ABCB7: variants seen among roughly 807,000 people sequenced by gnomAD.
ABCB7 encodes the protein iron-sulfur clusters transporter ABCB7, mitochondrial.
A neutral mutation model predicts 54.4 loss-of-function variants in ABCB7; 7 were observed. That is an observed-to-expected ratio of 0.13 (90% confidence interval 0.07 to 0.24). The LOEUF (loss-of-function observed/expected upper bound fraction) is 0.24. Among genes scored for constraint, ABCB7 ranks in the 10% least tolerant of loss-of-function variants. ABCB7 has a pLI of 1.00. For missense variants in ABCB7, 356 were observed against 570.4 expected, an observed-to-expected ratio of 0.62 and a Z score of 3.83; for synonymous variants, 218 against 207.1, an observed-to-expected ratio of 1.05 and a Z score of -0.45.
intron 4 of ABCB7, among the ~76,000 whole-genome samples, chrX:75,080,789 A>G (rs907462744): frequency 8.9e-6 from 1 of 111,757 alleles, no homozygotes; most frequent in Admixed American, 9.5e-5. Flanking sequence ...CTTTGGTGAA[A>G]TATCTGTTCA....
At chrX:75,104,047 G>GTTTTTTTGT (rs2081663659) in intron 3 of ABCB7, among the ~76,000 whole-genome samples, 3 of 13,446 alleles carry the variant, frequency 2.2e-4, no homozygotes, top group African/African-American at 4.8e-4. Flanking sequence ...TCTTGTTACA[G>GTTTTTTTGT]TTTTTTTTTT....
At chrX:75,145,509 G>T (rs1029753517) in intron 1 of ABCB7, among the ~76,000 whole-genome samples, 6 of 111,478 alleles carry the variant, frequency 5.4e-5, no homozygotes, top group Admixed American at 9.5e-5. Context: ...TACAGAAAAG[G>T]CTTTCAATAA....
At chrX:75,121,480 AGTT>A (rs2081878621) in intron 1 of ABCB7, among the ~76,000 whole-genome samples, 1 of 111,481 alleles carries the variant, frequency 9.0e-6, no homozygotes, top group Non-Finnish European at 1.9e-5. Flanking sequence ...TAGTCTCAAC[AGTT>A]GTTTTAGAGT....
At chrX:75,119,397 G>C (rs776337612) in intron 1 of ABCB7, among the ~76,000 whole-genome samples, 2 of 111,948 alleles carry the variant, frequency 1.8e-5, no homozygotes, top group East Asian at 5.6e-4. Context: ...AGTTAAAGGG[G>C]GTATTATTCG....
chrX:75,084,618 AAAT>A (rs1363694311), intron 4 of ABCB7, among the ~76,000 whole-genome samples: 5 of 112,018 alleles, frequency 4.5e-5, no homozygotes, highest in Admixed American at 2.8e-4. Context: ...TAAAGGAAAA[AAAT>A]AATAAACTGA....
At position 75,099,580 on chromosome X, in the gene ABCB7, T is replaced by C. The variant is rs1233482090; in HGVS notation, c.334-519A>G. Among the ~76,000 whole-genome samples the C allele has an allele frequency of 2.7e-5, 3 of 111,162 alleles. No individual in the cohort carries two copies. In the Admixed American group the frequency reaches 2.9e-4, roughly 11 times the overall value. Reference sequence around the variant, plus strand: ...CAAACAAAGTTGAGTTACTGAAAATTTCCTCACAAATGCAATTTTCCAATA... The same window carrying C: ...CAAACAAAGTTGAGTTACTGAAAATCTCCTCACAAATGCAATTTTCCAATA... On this transcript the variant is annotated intron_variant, in intron 3 of 15. Coordinates refer to ENST00000373394, the MANE Select transcript of ABCB7 (RefSeq NM_001271696.3).
At chrX:75,133,586 G>C (rs1311211309) in intron 1 of ABCB7, among the ~76,000 whole-genome samples, 1 of 111,596 alleles carries the variant, frequency 9.0e-6, no homozygotes, top group East Asian at 2.8e-4. Context: ...TAGAGAGATG[G>C]GGCAGGTCAT....
intron 1 of ABCB7, among the ~76,000 whole-genome samples, chrX:75,152,968 T>C (rs1031070462): frequency 2.7e-5 from 3 of 111,831 alleles, no homozygotes; most frequent in Non-Finnish European, 5.6e-5. Context: ...CCGCTTCAGG[T>C]ACTTTAAATG....
In ABCB7 at chrX:75,062,730, CATT is replaced by C. The variant is rs767755187; in HGVS notation, c.1832-302_1832-300del. ...ATTATTCTTCTACCAGAAGCATGCT[CATT>C]ATATGTTACTTTATATTACAGATAA... On this transcript the variant is annotated intron_variant, in intron 13 of 15. Transcript: ENST00000373394. 50 of 247,056 alleles carry C rather than the reference CATT, an allele frequency of 2.0e-4. 1 individual carries two copies. Among genetic ancestry groups the C allele is most frequent in the Non-Finnish European group, 3.2e-4 (44 of 138,131 alleles). 20.4% of individuals were successfully genotyped at this position (247,056 alleles called of 1,213,427 possible).
intron 1 of ABCB7, among the ~76,000 whole-genome samples, chrX:75,115,415 T>C (rs1487899317): frequency 2.1e-4 from 18 of 87,056 alleles, no homozygotes; most frequent in East Asian, 6.9e-4. Flanking sequence ...CTTTTCTTTT[T>C]TTTTTTTTTT....
intron 1 of ABCB7, among the ~76,000 whole-genome samples, chrX:75,126,797 A>C (rs1569242483): frequency 8.9e-6 from 1 of 111,978 alleles, no homozygotes; most frequent in East Asian, 2.8e-4. Context: ...CAAATAAACC[A>C]GAAAATCTAG....
At chrX:75,054,168 T>C (rs902363146) in intron 15 of ABCB7, among the ~76,000 whole-genome samples, 10 of 112,352 alleles carry the variant, frequency 8.9e-5, no homozygotes, top group African/African-American at 2.9e-4. Flanking sequence ...TGTTTCTTGA[T>C]AGCTACGGTT....
At chrX:75,125,949 A>G (rs900956537) in intron 1 of ABCB7, among the ~76,000 whole-genome samples, 2 of 111,332 alleles carry the variant, frequency 1.8e-5, no homozygotes, top group African/African-American at 6.5e-5. Context: ...TTTTTTTTCT[A>G]AAAGTACCCA....
rs1311498562 is a variant in ABCB7, at chrX:75,092,933, G to C, written c.453+6009C>G. Among the ~76,000 whole-genome samples, 3 of 111,903 alleles carry C rather than the reference G, an allele frequency of 2.7e-5. No individual in the cohort carries two copies. The Admixed American group carries it at 2.8e-4, about 11-fold the overall frequency. On this transcript the variant is annotated intron_variant, in intron 4 of 15. Coordinates refer to ENST00000373394, the MANE Select transcript of ABCB7 (RefSeq NM_001271696.3). ...AACACCAAATGCTAGTGAGGATGTG[G>C]AGCAATAGGAACTCTTATTCATTGC...
Position 75,078,454 on chromosome X carries a change from T to C in ABCB7, c.454-1800A>G, listed in dbSNP as rs142482335. Among the ~76,000 whole-genome samples, 172 of 111,659 alleles carry C rather than the reference T, an allele frequency of 1.5e-3. 1 individual carries two copies. In the East Asian group the frequency reaches 0.041, roughly 27 times the overall value. On this transcript the variant is annotated intron_variant, in intron 4 of 15. Transcript: ENST00000373394. ...TTTGAGGGGTACAAGTGCAGTCCTG[T>C]TACATGGATATATCGCATACTGGTG...
chrX:75,153,860 T>G (rs1045942251), intron 1 of ABCB7, among the ~76,000 whole-genome samples: 27 of 107,104 alleles, frequency 2.5e-4, no homozygotes, highest in African/African-American at 8.4e-4. Context: ...CTATTTTCTT[T>G]ATATTCTACT....
At chrX:75,135,946 T>G in intron 1 of ABCB7, among the ~76,000 whole-genome samples, 1 of 108,524 alleles carries the variant, frequency 9.2e-6, no homozygotes, top group Non-Finnish European at 1.9e-5. Flanking sequence ...CTCTCACCAG[T>G]CCTACTCAAC....
intron 1 of ABCB7, among the ~76,000 whole-genome samples, chrX:75,130,392 G>C (rs1370194388): frequency 8.9e-6 from 1 of 112,217 alleles, no homozygotes; most frequent in Non-Finnish European, 1.9e-5. Flanking sequence ...AACCAGGGGA[G>C]TGTATAATGA....
intron 4 of ABCB7, among the ~76,000 whole-genome samples, chrX:75,089,588 T>C (rs981344748): frequency 1.8e-5 from 2 of 110,029 alleles, no homozygotes; most frequent in African/African-American, 6.6e-5. Context: ...CAAAATCATA[T>C]AAAATGTTTA....
Sources: gnomAD v4.1 joint callset for allele counts (sites outside exome capture counted in the v4.1 genomes callset) on GRCh38, gnomAD v4.1.1 for gene constraint, MANE v1.5 for transcripts, NCBI Gene and HGNC (gene_info 2026-07-23, HGNC 2026-07-21) for gene names.